Variants in FBXO16 observed in about 807,000 individuals in gnomAD.
FBXO16 encodes F-box only protein 16.
In FBXO16, 31 loss-of-function variants were observed where a neutral mutation model predicts 41.0. The ratio of observed to expected loss-of-function variants is 0.76; its 90% CI spans 0.57 to 1.02. The LOEUF (loss-of-function observed/expected upper bound fraction) is 1.02, where lower values mean the gene tolerates loss of function less well. Among genes scored for constraint, FBXO16 ranks in the 50% least tolerant of loss-of-function variants. FBXO16 has a pLI of 0.00. For synonymous variants in FBXO16, 133 were observed against 117.8 expected (o/e 1.13, Z -0.84); for missense variants, 361 against 346.2 (o/e 1.04, Z -0.34).
chr8:28,478,466 C>A (rs1803456696), intron 2 of FBXO16, among the ~76,000 whole-genome samples: 1 of 152,106 alleles, frequency 6.6e-6, no homozygotes, highest in Admixed American at 6.5e-5. Flanking sequence ...CCTCCCTTAC[C>A]CCTTGCCACA....
At chr8:28,473,054 G>C (rs1056086182) in intron 3 of FBXO16, among the ~76,000 whole-genome samples, 1 of 152,154 alleles carries the variant, frequency 6.6e-6, no homozygotes, top group Non-Finnish European at 1.5e-5. Context: ...TGGGGCTGAA[G>C]GTCTTCCCTC....
chr8:28,481,740 G>A (rs1160135241), intron 2 of FBXO16, among the ~76,000 whole-genome samples: 1 of 151,304 alleles, frequency 6.6e-6, no homozygotes, highest in African/African-American at 2.4e-5. Flanking sequence ...AACCCGGGAG[G>A]TGGAGGTTGT....
Position 28,470,983 on chromosome 8 carries a change from C to T in FBXO16, c.135+2789G>A, listed in dbSNP as rs369112330. 6.8e-4 allele frequency among the ~76,000 whole-genome samples: 103 copies of T among 152,244 alleles called. 1 individual carries two copies. The East Asian group carries it at 0.018, about 27-fold the overall frequency. On this transcript the variant is annotated intron_variant, in intron 3 of 8. Transcript: ENST00000380254. ...ATTATGTTACTATTATTTATATTAG[C>T]AACAGAGCAGAAGCTGAGAGAAAAT...
At chr8:28,436,420 C>T (rs1164131580) in intron 7 of FBXO16, among the ~76,000 whole-genome samples, 3 of 152,202 alleles carry the variant, frequency 2.0e-5, no homozygotes, top group Admixed American at 1.3e-4. Flanking sequence ...AAATAACCAA[C>T]GCAGTTTTAA....
intron 8 of FBXO16, 76 bp from the exon 9 acceptor site, chr8:28,428,812 A>G: frequency 1.4e-6 from 2 of 1,420,604 alleles, no homozygotes; most frequent in Non-Finnish European, 1.9e-6. Flanking sequence ...ACTTATTTTT[A>G]ATGACATAAA....
At chr8:28,470,705 TG>T (rs1263841900) in intron 3 of FBXO16, among the ~76,000 whole-genome samples, 4 of 152,252 alleles carry the variant, frequency 2.6e-5, no homozygotes, top group African/African-American at 9.6e-5. Flanking sequence ...TTGGTAAAAT[TG>T]AGCATATTTT....
In FBXO16 at chr8:28,428,431, C is replaced by A; in HGVS notation, c.*296G>T. 1 of 806,000 alleles carries A rather than the reference C, an allele frequency of 1.2e-6. No individual in the cohort carries two copies. Among genetic ancestry groups the A allele is most frequent in the Non-Finnish European group, 1.8e-6 (1 of 544,246 alleles). 49.9% of individuals were successfully genotyped at this position (806,000 alleles called of 1,614,324 possible). On this transcript the variant is annotated 3_prime_UTR_variant, in exon 9 of 9. Transcript: ENST00000380254. ...CATTTATGCCATGAATTCCTTTTTA[C>A]TGAAATACCGTAGGACTCACTACCA...
At chr8:28,434,649 C>G (rs1802660101) in intron 7 of FBXO16, among the ~76,000 whole-genome samples, 1 of 152,218 alleles carries the variant, frequency 6.6e-6, no homozygotes, top group South Asian at 2.1e-4. Flanking sequence ...ATCTCCCTCT[C>G]AACGTTTTAT....
intron 7 of FBXO16, among the ~76,000 whole-genome samples, chr8:28,445,786 T>C (rs1802854540): frequency 6.6e-6 from 1 of 152,130 alleles, no homozygotes; most frequent in Admixed American, 6.6e-5. Context: ...CACTTGAAAA[T>C]ACATTTTAAC....
At chr8:28,468,717 G>A (rs755824932) in intron 3 of FBXO16, among the ~76,000 whole-genome samples, 5 of 151,860 alleles carry the variant, frequency 3.3e-5, no homozygotes, top group African/African-American at 4.8e-5. Flanking sequence ...GCATGTTGGC[G>A]TATGCCTGTA....
chr8:28,476,440 G>A (rs1001978334), intron 2 of FBXO16, among the ~76,000 whole-genome samples: 1 of 152,206 alleles, frequency 6.6e-6, no homozygotes, highest in East Asian at 1.9e-4. Flanking sequence ...TTGTTGTCAG[G>A]TTCTCAGTTG....
rs372797789 is a variant in FBXO16 at position 28,442,048 on chromosome 8, A to G, written c.843+5123T>C. Among the ~76,000 whole-genome samples, 24 of 148,228 alleles carry G rather than the reference A, an allele frequency of 1.6e-4. No homozygotes were observed. In the South Asian group the frequency reaches 5.1e-3, roughly 32 times the overall value. On this transcript the variant is annotated intron_variant, in intron 7 of 8. Coordinates refer to ENST00000380254, the MANE Select transcript of FBXO16 (RefSeq NM_172366.4). The stretch of plus-strand genomic sequence containing the variant: ...AACCTCTGCCTCCCGGGTTAAAGCG[A>G]TTCTCCTGCCTCAGCCTCCCAAGTA...
chr8:28,463,393 T>G (rs967131260), intron 4 of FBXO16, among the ~76,000 whole-genome samples: 4 of 151,666 alleles, frequency 2.6e-5, no homozygotes, highest in African/African-American at 9.7e-5. Flanking sequence ...TGTGTTTGTG[T>G]TTGTATGTAT....
intron 7 of FBXO16, among the ~76,000 whole-genome samples, chr8:28,442,141 C>T (rs988821293): frequency 1.3e-5 from 2 of 151,618 alleles, no homozygotes; most frequent in African/African-American, 2.4e-5. Context: ...GGTTTCACCA[C>T]GTTGGCCAGG....
rs564457153 is a variant in FBXO16 at position 28,447,235 on chromosome 8, C to G, written c.779G>C (p.Arg260Pro). 1 of 1,613,662 alleles carries G rather than the reference C, an allele frequency of 6.2e-7. No homozygotes were observed. The highest frequency in any genetic ancestry group is 1.1e-5 in the South Asian group (1 of 91,058). ...TTTATTTTTCTTATCATGTGACTGT[C>G]GGCTGAAGTCTGGGGTCATTTGGTT... Reference protein sequence around the residue: ...KRNQMTPDFSRQSHDKKNKLQ... With the variant: ...KRNQMTPDFSPQSHDKKNKLQ... Residue 260 changes from arginine to proline, a missense_variant, in exon 7 of 9, where the codon CGA becomes CCA. Coordinates refer to ENST00000380254, the MANE Select transcript of FBXO16 (RefSeq NM_172366.4).
At chr8:28,454,753 G>GAAAAAAAAAAAAAAAAAA (rs1563363014) in intron 5 of FBXO16, among the ~76,000 whole-genome samples, 5 of 58,340 alleles carry the variant, frequency 8.6e-5, no homozygotes, top group African/African-American at 4.0e-4. Flanking sequence ...AAAAAAAAAG[G>GAAAAAAAAAAAAAAAAAA]ATCATTAATT....
Position 28,456,855 on chromosome 8 carries a change from T to C in FBXO16, c.418A>G (p.Ile140Val). ...MLKCLRFNWYINFSPTPFEQG... is the reference protein window; with the variant it reads ...MLKCLRFNWYVNFSPTPFEQG... ...TCAAAGGGAGTTGGAGAGAAATTGA[T>C]GTACCAGTTAAACCGTAAACATTTC... The change falls in exon 5 of 9, where the codon ATC becomes GTC. Residue 140 changes from isoleucine to valine, a missense_variant. Transcript: ENST00000380254. 1 of 1,614,176 alleles carries C rather than the reference T, an allele frequency of 6.2e-7. No individual in the cohort carries two copies. Among genetic ancestry groups the C allele is most frequent in the Non-Finnish European group, 8.5e-7 (1 of 1,180,020 alleles).
intron 4 of FBXO16, among the ~76,000 whole-genome samples, chr8:28,460,217 A>ATGTG (rs199922102): frequency 3.8e-5 from 4 of 105,512 alleles, no homozygotes; most frequent in East Asian, 2.9e-4. Context: ...ACAAATATAT[A>ATGTG]TGTGTGTGTA....
chr8:28,479,787 C>T (rs924108458), intron 2 of FBXO16, among the ~76,000 whole-genome samples: 1 of 152,110 alleles, frequency 6.6e-6, no homozygotes, highest in Admixed American at 6.5e-5. Flanking sequence ...GTGGTACAAT[C>T]GTGGCTTACC....
Sources: gnomAD v4.1 joint callset for allele counts (sites outside exome capture counted in the v4.1 genomes callset) on GRCh38, gnomAD v4.1.1 for gene constraint, MANE v1.5 for transcripts, NCBI Gene and HGNC (gene_info 2026-07-23, HGNC 2026-07-21) for gene names.